The following C16orf89 variants were observed in gnomAD, a reference collection of about 807,000 sequenced individuals.
C16orf89 encodes the protein UPF0764 protein C16orf89.
A neutral mutation model predicts 41.5 loss-of-function variants in C16orf89; 57 were observed. The observed-to-expected ratio is 1.38, with a 90% CI of 1.11 to 1.71. C16orf89 has a LOEUF of 1.71. Ranked by LOEUF, C16orf89 falls within the 40% of genes most tolerant of loss-of-function variation. The probability of loss-of-function intolerance (pLI) is 0.00; values close to 1 mark genes in which losing one functional copy is unlikely to be tolerated. For synonymous variants in C16orf89, 223 were observed against 190.6 expected, an observed-to-expected ratio of 1.17 and a Z score of -1.40; for missense variants, 575 against 445.9, an observed-to-expected ratio of 1.29 and a Z score of -2.61.
At chr16:5,057,660 C>G (rs1487930488) in intron 4 of C16orf89, among the ~76,000 whole-genome samples, 1 of 151,544 alleles carries the variant, frequency 6.6e-6, no homozygotes, top group African/African-American at 2.4e-5. Context: ...TCCCGAGTAG[C>G]TGGAATTACA....
At chr16:5,050,389 G>T (rs1028643224) in intron 6 of C16orf89, among the ~76,000 whole-genome samples, 1 of 151,658 alleles carries the variant, frequency 6.6e-6, no homozygotes, top group Non-Finnish European at 1.5e-5. Context: ...AGAAAACCTA[G>T]TGGAAATGGA....
chr16:5,062,372 A>G (rs1428835949), intron 2 of C16orf89, 53 bp downstream of exon 2: 31 of 1,536,534 alleles, frequency 2.0e-5, no homozygotes, highest in Non-Finnish European at 2.5e-5. Context: ...ATTTCAGTCA[A>G]TATCCCCATA....
chr16:5,045,353 G>A (rs1221201517), intron 7 of C16orf89, among the ~76,000 whole-genome samples: 4 of 152,154 alleles, frequency 2.6e-5, no homozygotes, highest in Non-Finnish European at 5.9e-5. Flanking sequence ...TGACCTCATG[G>A]CTCATGGAGT....
intron 4 of C16orf89, among the ~76,000 whole-genome samples, chr16:5,057,150 T>C (rs1956525069): frequency 6.6e-6 from 1 of 151,400 alleles, no homozygotes; most frequent in South Asian, 2.1e-4. Context: ...AGGCAGAGAA[T>C]TGCTTAAATC....
At chr16:5,046,405 G>A (rs1956298759) in intron 7 of C16orf89, among the ~76,000 whole-genome samples, 1 of 151,934 alleles carries the variant, frequency 6.6e-6, no homozygotes. Context: ...AGGCTGGAGT[G>A]CAGTGGCACA....
At chr16:5,049,974 CT>C (rs1567151679) in intron 6 of C16orf89, among the ~76,000 whole-genome samples, 1 of 152,046 alleles carries the variant, frequency 6.6e-6, no homozygotes, top group Non-Finnish European at 1.5e-5. Context: ...AGAGAAAAGA[CT>C]CAAGTAAATG....
intron 2 of C16orf89, among the ~76,000 whole-genome samples, chr16:5,061,314 C>G (rs1956616440): frequency 6.8e-6 from 1 of 146,294 alleles, no homozygotes; most frequent in Non-Finnish European, 1.5e-5. Context: ...GCCTGTAGTC[C>G]CAGCTACTTG....
In C16orf89 at chr16:5,056,134, A is replaced by T; in HGVS notation, c.682T>A (p.Cys228Ser). The T allele has an allele frequency of 1.3e-6, 2 of 1,599,902 alleles. No individual in the cohort carries two copies. The highest frequency in any genetic ancestry group is 4.5e-5 in the East Asian group (2 of 44,350). ...QQSQDYINLF[C>S]ANMMDLNRRA... ...CGGTTCAAGTCCATCATGTTGGCGC[A>T]GAAGAGGTTGATATAGTCCTGGCTC... Residue 228 changes from cysteine to serine, a missense_variant, in exon 5 of 8, where the codon TGC becomes AGC. By Grantham distance (112) the Cys-to-Ser change is moderately radical. Transcript: ENST00000472572.
chr16:5,056,628 A>T (rs1360039600), intron 4 of C16orf89, among the ~76,000 whole-genome samples: 1 of 147,368 alleles, frequency 6.8e-6, no homozygotes, highest in African/African-American at 2.7e-5. Context: ...AGTGCTACTC[A>T]AAGTGTGGGC....
chr16:5,051,496 G>A (rs60335248), intron 6 of C16orf89, among the ~76,000 whole-genome samples: 9 of 152,004 alleles, frequency 5.9e-5, no homozygotes, highest in African/African-American at 1.9e-4. Context: ...AACCAAGGAG[G>A]TGAAAGATCT....
chr16:5,048,078 G>T lies in C16orf89; in HGVS notation c.869-114C>A, dbSNP rs181531576. The T allele has an allele frequency of 1.5e-4, 96 of 653,926 alleles. No homozygotes were observed. The African/African-American group carries it at 1.6e-3, about 11-fold the overall frequency. The allele number at this position is 653,926 out of a possible 1,614,324, so 40.5% of individuals were successfully genotyped here. On this transcript the variant is annotated intron_variant, in intron 6 of 7. Transcript: ENST00000472572. The stretch of plus-strand genomic sequence containing the variant: ...GGGTCTCATTCTATTGGCCAGGCTG[G>T]GTGCAGTAACGCAATCATAGCTCAC...
In C16orf89 at chr16:5,044,459, G is replaced by T. The variant is rs371006979; in HGVS notation, c.975C>A (p.Asn325Lys). ...CCAGGGCTGCCACTGCTGTGGCTGT[G>T]TTGTGGGAGGAGCAGCCATCTAGGG... ...KQFPDGCSSH[N>K]TATAVAALGG... Residue 325 changes from asparagine (N) to lysine (K), a missense_variant, in exon 8 of 8, where the codon AAC (asparagine) becomes AAA (lysine). Transcript: ENST00000472572. The T allele has an allele frequency of 6.2e-7, 1 of 1,612,700 alleles. No homozygotes were observed. The highest frequency in any genetic ancestry group is 8.5e-7 in the Non-Finnish European group (1 of 1,179,486).
intron 7 of C16orf89, among the ~76,000 whole-genome samples, chr16:5,047,438 C>T (rs1002536743): frequency 1.3e-5 from 2 of 151,782 alleles, no homozygotes; most frequent in African/African-American, 2.4e-5. Context: ...TAACAAAAGA[C>T]AGTATCTCTT....
intron 6 of C16orf89, among the ~76,000 whole-genome samples, chr16:5,051,120 G>A (rs533643159): frequency 6.6e-6 from 1 of 152,256 alleles, no homozygotes; most frequent in Admixed American, 6.5e-5. Context: ...AAAGTTGAAA[G>A]CTTTTCCTGT....
intron 4 of C16orf89, among the ~76,000 whole-genome samples, 191 bp from the exon 5 acceptor site, chr16:5,056,379 G>C (rs951045838): frequency 6.6e-6 from 1 of 152,150 alleles, no homozygotes; most frequent in East Asian, 1.9e-4. Context: ...TGCTGGGTTC[G>C]AGATCCAGCT....
At chr16:5,062,303 C>G (rs1485303367) in intron 2 of C16orf89, 122 bp downstream of exon 2, 3 of 1,255,510 alleles carry the variant, frequency 2.4e-6, no homozygotes, top group South Asian at 1.6e-5. Flanking sequence ...GCAGACAGGT[C>G]CAAGTTGGTT....
At chr16:5,054,385 C>T (rs1442798945) in intron 6 of C16orf89, among the ~76,000 whole-genome samples, 2 of 152,176 alleles carry the variant, frequency 1.3e-5, no homozygotes, top group Admixed American at 1.3e-4. Flanking sequence ...GCCTCTCCAC[C>T]CTCTGCTACG....
chr16:5,044,581 AC>A (rs1488103064), intron 7 of C16orf89, 103 bp from the exon 8 acceptor site: 20 of 1,541,914 alleles, frequency 1.3e-5, no homozygotes, highest in Admixed American at 2.0e-5. Context: ...GGTGGCTCAC[AC>A]CTATAATCCC....
At chr16:5,043,375 C>T (rs987427085), downstream of C16orf89, 3 of 152,138 alleles carry the variant, frequency 2.0e-5, no homozygotes, top group Admixed American at 1.3e-4. Context: ...TTATTATTAT[C>T]GCAATTTTAC....
Sources: gnomAD v4.1 joint callset for allele counts (sites outside exome capture counted in the v4.1 genomes callset) on GRCh38, gnomAD v4.1.1 for gene constraint, MANE v1.5 for transcripts, NCBI Gene and HGNC (gene_info 2026-07-23, HGNC 2026-07-21) for gene names.